Variants in DRC11 observed in about 807,000 individuals in gnomAD.
DRC11 encodes dynein regulatory complex subunit 11.
the DRC11 span, among the ~76,000 whole-genome samples, chr2:236,378,959 C>A: frequency 1.3e-5 from 2 of 152,128 alleles, no homozygotes; most frequent in South Asian, 2.1e-4. Flanking sequence ...AGCCCCTCCC[C>A]CTATGGATGT....
the DRC11 span, among the ~76,000 whole-genome samples, chr2:236,418,635 C>G: frequency 6.6e-6 from 1 of 152,178 alleles, no homozygotes; most frequent in African/African-American, 2.4e-5. Flanking sequence ...CCCCCCTACA[C>G]GACGGAAGGA....
At chr2:236,399,789 T>C in the DRC11 span, among the ~76,000 whole-genome samples, 1 of 152,132 alleles carries the variant, frequency 6.6e-6, no homozygotes, top group African/African-American at 2.4e-5. The surrounding 1 kb of genome is among the most constrained non-coding windows in gnomAD (Gnocchi z 7.0). Flanking sequence ...CTTTCTTTCT[T>C]TCTTTCTTTT....
chr2:236,491,737 C>T, the DRC11 span, among the ~76,000 whole-genome samples: 1 of 152,132 alleles, frequency 6.6e-6, no homozygotes, highest in Middle Eastern at 3.4e-3. Context: ...GGCTAGTTGA[C>T]CCCCAAGTAA....
the DRC11 span, among the ~76,000 whole-genome samples, chr2:236,442,026 A>G: frequency 6.6e-6 from 1 of 152,188 alleles, no homozygotes; most frequent in East Asian, 1.9e-4. Flanking sequence ...ACTTGAGTCC[A>G]GGAATTTGAG....
the DRC11 span, among the ~76,000 whole-genome samples, chr2:236,454,418 C>T: frequency 6.6e-6 from 1 of 152,158 alleles, no homozygotes; most frequent in Non-Finnish European, 1.5e-5. The surrounding 1 kb of genome is among the most constrained non-coding windows in gnomAD (Gnocchi z 5.3). Flanking sequence ...AATATCTTTT[C>T]CACCAAAGCA....
chr2:236,385,926 GT>G, the DRC11 span, among the ~76,000 whole-genome samples: 1 of 131,568 alleles, frequency 7.6e-6, no homozygotes, highest in Non-Finnish European at 1.6e-5. Flanking sequence ...TAATCATGTG[GT>G]TTTTGTCTTT....
chr2:236,395,706 G>A, the DRC11 span, among the ~76,000 whole-genome samples: 7 of 152,180 alleles, frequency 4.6e-5, no homozygotes, highest in African/African-American at 7.2e-5. Flanking sequence ...ATTCTCCTTC[G>A]AAAATTCTAG....
the DRC11 span, among the ~76,000 whole-genome samples, chr2:236,313,180 T>C: frequency 1.3e-5 from 2 of 152,108 alleles, no homozygotes; most frequent in Non-Finnish European, 2.9e-5. The surrounding 1 kb of genome is among the most constrained non-coding windows in gnomAD (Gnocchi z 4.5). Flanking sequence ...GGTCTTGATA[T>C]AAAGACCTAA....
chr2:236,485,860 C>A, the DRC11 span, among the ~76,000 whole-genome samples: 1 of 152,204 alleles, frequency 6.6e-6, no homozygotes, highest in Non-Finnish European at 1.5e-5. Context: ...AGAGGCCATG[C>A]ACTCGATGAG....
the DRC11 span, among the ~76,000 whole-genome samples, chr2:236,503,304 G>A: frequency 1.3e-5 from 2 of 152,308 alleles, no homozygotes; most frequent in South Asian, 2.1e-4. The surrounding 1 kb of genome is among the most constrained non-coding windows in gnomAD (Gnocchi z 4.9). Context: ...GACCTGATGG[G>A]GCAGAGCACA....
the DRC11 span, among the ~76,000 whole-genome samples, chr2:236,393,789 T>C: frequency 0.36 from 54,591 of 151,868 alleles, 10,097 homozygotes; most frequent in Non-Finnish European, 0.41. This position sits in a 1 kb window ranked among gnomAD's most constrained non-coding sequence, Gnocchi z 4.7. Flanking sequence ...CCCGAGGGTT[T>C]TGGCCACCTG....
the DRC11 span, among the ~76,000 whole-genome samples, chr2:236,392,718 TCTTA>T: frequency 6.6e-6 from 1 of 152,216 alleles, no homozygotes; most frequent in African/African-American, 2.4e-5. This position sits in a 1 kb window ranked among gnomAD's most constrained non-coding sequence, Gnocchi z 5.1. Flanking sequence ...TAATGTTTTA[TCTTA>T]CTTTTTTTCT....
the DRC11 span, among the ~76,000 whole-genome samples, chr2:236,393,803 C>T: frequency 2.6e-5 from 4 of 152,118 alleles, no homozygotes; most frequent in Non-Finnish European, 5.9e-5. This position sits in a 1 kb window ranked among gnomAD's most constrained non-coding sequence, Gnocchi z 4.7. Flanking sequence ...CCACCTGCCA[C>T]CTGCCTGGGG....
chr2:236,477,705 A>G, the DRC11 span, among the ~76,000 whole-genome samples: 1 of 151,972 alleles, frequency 6.6e-6, no homozygotes, highest in African/African-American at 2.4e-5. Context: ...TATTGATTCA[A>G]TCTCATTAGT....
the DRC11 span, among the ~76,000 whole-genome samples, chr2:236,504,468 G>C: frequency 3.9e-5 from 6 of 152,148 alleles, no homozygotes; most frequent in Non-Finnish European, 8.8e-5. The surrounding 1 kb of genome is among the most constrained non-coding windows in gnomAD (Gnocchi z 5.0). Context: ...GGGCAAGGTG[G>C]TTTTCAAAGG....
chr2:236,424,455 C>T, the DRC11 span, among the ~76,000 whole-genome samples: 9 of 152,104 alleles, frequency 5.9e-5, no homozygotes, highest in Admixed American at 5.9e-4. Flanking sequence ...TACATAAATA[C>T]AGTGAAAGGT....
chr2:236,458,975 T>C, the DRC11 span, among the ~76,000 whole-genome samples: 1 of 151,426 alleles, frequency 6.6e-6, no homozygotes, highest in African/African-American at 2.4e-5. Flanking sequence ...AACCCAGGAG[T>C]TGGAGGTTGT....
chr2:236,503,814 C>A, the DRC11 span: 1 of 924,902 alleles, frequency 1.1e-6, no homozygotes, highest in Non-Finnish European at 1.7e-6. The surrounding 1 kb of genome is among the most constrained non-coding windows in gnomAD (Gnocchi z 4.9). Context: ...TGGGGAGCCC[C>A]CACTTTGCGC....
the DRC11 span, among the ~76,000 whole-genome samples, chr2:236,504,853 G>T: frequency 6.6e-6 from 1 of 152,132 alleles, no homozygotes; most frequent in East Asian, 1.9e-4. This position sits in a 1 kb window ranked among gnomAD's most constrained non-coding sequence, Gnocchi z 5.0. Flanking sequence ...TGTGAAGAAG[G>T]GCATGTTTGA....
Sources: allele counts gnomAD v4.1 joint callset (sites outside exome capture counted in the v4.1 genomes callset), GRCh38; gene constraint gnomAD v4.1.1; non-coding constraint Gnocchi (gnomAD v3.1); transcripts MANE v1.5; gene names NCBI Gene and HGNC (gene_info 2026-07-23, HGNC 2026-07-21).